Variants in TLCD4 observed in about 807,000 individuals in gnomAD.
The protein encoded by TLCD4 is TLC domain-containing protein 4.
In TLCD4, 7 loss-of-function variants were observed where a neutral mutation model predicts 24.2. The observed-to-expected ratio is 0.29, with a 90% confidence interval of 0.16 to 0.54. The LOEUF (loss-of-function observed/expected upper bound fraction) is 0.54, where lower values mean the gene tolerates loss of function less well. Ranked by LOEUF, TLCD4 falls within the 20% of genes least tolerant of loss-of-function variation. The probability of loss-of-function intolerance (pLI) is 0.95; values close to 1 mark genes in which losing one functional copy is unlikely to be tolerated. For missense variants in TLCD4, 259 were observed against 313.9 expected (o/e 0.82, Z 1.32); for synonymous variants, 103 against 106.4 (o/e 0.97, Z 0.20).
At position 95,193,328 on chromosome 1, in the gene TLCD4, GTA is replaced by G. The variant is rs544132666; in HGVS notation, c.*1462_*1463del. 3.3e-5 allele frequency: 5 copies of G among 152,058 alleles called. No homozygotes were observed. The highest frequency in any genetic ancestry group is 7.4e-5 in the Non-Finnish European group (5 of 67,954). The allele number at this position is 152,058 out of a possible 1,614,324, so 9.4% of individuals were successfully genotyped here. ...ATGACTGGCGACTCTGGTTGTGTGTGTATGTGTTTTGCTTTTACTTTAATTCT... is the reference window on the plus strand; with the variant it reads ...ATGACTGGCGACTCTGGTTGTGTGTGTGTGTTTTGCTTTTACTTTAATTCT... On this transcript the variant is annotated 3_prime_UTR_variant, in exon 7 of 7. Transcript: ENST00000370203.
intron 1 of TLCD4, among the ~76,000 whole-genome samples, chr1:95,142,286 A>C (rs1677220190): frequency 1.7e-5 from 2 of 115,416 alleles, no homozygotes; most frequent in South Asian, 3.2e-4. Context: ...CTCTTTTATA[A>C]AAATCTTTTT....
chr1:95,170,487 G>A (rs1331631576), intron 5 of TLCD4, among the ~76,000 whole-genome samples: 7 of 151,964 alleles, frequency 4.6e-5, no homozygotes, highest in South Asian at 2.1e-4. Flanking sequence ...CCGCCACCAC[G>A]CCTGGCTAAT....
chr1:95,149,349 T>A (rs1677430819), intron 3 of TLCD4, among the ~76,000 whole-genome samples: 1 of 152,082 alleles, frequency 6.6e-6, no homozygotes, highest in Non-Finnish European at 1.5e-5. Flanking sequence ...TGGCAGAAAT[T>A]TTGCAAACTG....
chr1:95,110,099 A>C, the TLCD4 span, among the ~76,000 whole-genome samples: 1 of 150,734 alleles, frequency 6.6e-6, no homozygotes, highest in African/African-American at 2.4e-5. Flanking sequence ...TATACCAAAA[A>C]AATCAACTGA....
chr1:95,121,994 T>C (rs1676583545), intron 1 of TLCD4, among the ~76,000 whole-genome samples: 3 of 152,184 alleles, frequency 2.0e-5, no homozygotes, highest in Non-Finnish European at 2.9e-5. Context: ...TCTGTAGGCT[T>C]TTGATTTCCT....
chr1:95,131,614 T>A lies in TLCD4; in HGVS notation c.-11-12277T>A, dbSNP rs576882689. Among the ~76,000 whole-genome samples, 20 of 152,328 alleles carry A rather than the reference T, an allele frequency of 1.3e-4. No individual in the cohort carries two copies. The East Asian group carries it at 3.7e-3, about 28-fold the overall frequency. On this transcript the variant is annotated intron_variant, in intron 1 of 6. Transcript: ENST00000370203. ...GACCAGTTTGGAGACAGTCCAGAAA[T>A]GTGATGATAGTAGCTTGAGAAGAAA...
At chr1:95,129,148 A>G (rs1475762161) in intron 1 of TLCD4, among the ~76,000 whole-genome samples, 1 of 152,200 alleles carries the variant, frequency 6.6e-6, no homozygotes, top group East Asian at 1.9e-4. Flanking sequence ...TTAAGCTTAA[A>G]TATTTTGTTC....
chr1:95,149,665 A>G (rs1677439685), intron 3 of TLCD4, among the ~76,000 whole-genome samples: 1 of 152,158 alleles, frequency 6.6e-6, no homozygotes, highest in African/African-American at 2.4e-5. Flanking sequence ...CAAAATTTCT[A>G]GCTTTTTAAA....
chr1:95,150,077 T>A lies in TLCD4; in HGVS notation c.246-131T>A, dbSNP rs1176558251. On this transcript the variant is annotated intron_variant, in intron 3 of 6. Transcript: ENST00000370203. ...GTCATTGTGTGTTTTGCAATTTTATTTGAAGATGACAGCTTACCATTTGAG... is the reference window on the plus strand; with the variant it reads ...GTCATTGTGTGTTTTGCAATTTTATATGAAGATGACAGCTTACCATTTGAG... The A allele has an allele frequency of 9.4e-6, 12 of 1,277,768 alleles. No homozygotes were observed. The South Asian group carries it at 1.6e-4, about 17-fold the overall frequency. The allele number at this position is 1,277,768 out of a possible 1,614,324, so 79.2% of individuals were successfully genotyped here.
chr1:95,124,850 T>TA lies in TLCD4; in HGVS notation c.-12+7243dup, dbSNP rs112427234. Among the ~76,000 whole-genome samples, 369 of 144,802 alleles carry TA rather than the reference T, an allele frequency of 2.5e-3. 1 individual carries two copies. The highest frequency in any genetic ancestry group is 7.2e-3 in the African/African-American group (285 of 39,566). The allele number at this position is 144,802 out of a possible 152,430, so 95.0% of individuals were successfully genotyped here. On this transcript the variant is annotated intron_variant, in intron 1 of 6. Transcript: ENST00000370203. Reference sequence around the variant, plus strand: ...GCACTGGCTGGGCAAAATATTTTTCTAAAAAAAAAACAAAACAACAAACAC... The same window carrying TA: ...GCACTGGCTGGGCAAAATATTTTTCTAAAAAAAAAAACAAAACAACAAACAC...
At chr1:95,168,414 TG>T (rs775250529) in intron 5 of TLCD4, among the ~76,000 whole-genome samples, 26 of 152,124 alleles carry the variant, frequency 1.7e-4, no homozygotes, top group Non-Finnish European at 3.1e-4. Context: ...TAACTCTAAA[TG>T]TATCAGTGTT....
intron 6 of TLCD4, among the ~76,000 whole-genome samples, chr1:95,175,893 A>AGAG (rs959585173): frequency 6.6e-6 from 1 of 151,276 alleles, no homozygotes; most frequent in Non-Finnish European, 1.5e-5. Context: ...CTCCCACCTC[A>AGAG]GCTTTCTAAG....
At chr1:95,099,053 CAAAAAA>C in the TLCD4 span, among the ~76,000 whole-genome samples, 1 of 70,658 alleles carries the variant, frequency 1.4e-5, no homozygotes, top group African/African-American at 5.3e-5. Flanking sequence ...AACTCTGTCT[CAAAAAA>C]AAAAAAAAAA....
intron 1 of TLCD4, among the ~76,000 whole-genome samples, chr1:95,122,952 G>A (rs1015694492): frequency 6.6e-6 from 1 of 151,954 alleles, no homozygotes. Flanking sequence ...TTTTTATAAA[G>A]TGTTACTTTA....
chr1:95,185,458 G>A (rs1449341613), intron 6 of TLCD4, among the ~76,000 whole-genome samples: 1 of 152,150 alleles, frequency 6.6e-6, no homozygotes, highest in Non-Finnish European at 1.5e-5. Context: ...GGTTTGAACT[G>A]TATGAGTCCA....
At chr1:95,160,603 T>G (rs1325575309) in intron 5 of TLCD4, among the ~76,000 whole-genome samples, 9 of 152,218 alleles carry the variant, frequency 5.9e-5, no homozygotes, top group South Asian at 2.1e-4. Flanking sequence ...AAGGGAATGC[T>G]TCCAGTTTTT....
intron 6 of TLCD4, among the ~76,000 whole-genome samples, chr1:95,180,135 T>C (rs1426725138): frequency 2.0e-5 from 3 of 152,224 alleles, no homozygotes; most frequent in Non-Finnish European, 4.4e-5. Context: ...AATGAATGAC[T>C]CCCAAGAGGT....
intron 6 of TLCD4, among the ~76,000 whole-genome samples, chr1:95,191,325 G>A (rs1679020619): frequency 6.6e-6 from 1 of 151,974 alleles, no homozygotes; most frequent in Admixed American, 6.6e-5. Context: ...TTGGTTTATT[G>A]ATCTTTCACT....
intron 6 of TLCD4, 114 bp from the exon 7 acceptor site, chr1:95,191,436 T>A: frequency 7.5e-7 from 1 of 1,334,058 alleles, no homozygotes. Context: ...GCGTATGCTA[T>A]TCTAGGCCCT....
Sources: gnomAD v4.1 joint callset for allele counts (sites outside exome capture counted in the v4.1 genomes callset) on GRCh38, gnomAD v4.1.1 for gene constraint, MANE v1.5 for transcripts, NCBI Gene and HGNC (gene_info 2026-07-23, HGNC 2026-07-21) for gene names.